The following DLGAP2 variants were observed in gnomAD, a reference collection of about 807,000 sequenced individuals.
DLGAP2 encodes disks large-associated protein 2.
A neutral mutation model predicts 100.3 loss-of-function variants in DLGAP2; 26 were observed. That is an observed-to-expected ratio of 0.26 (90% confidence interval 0.19 to 0.36). The LOEUF (loss-of-function observed/expected upper bound fraction) is 0.36. DLGAP2 is among the 10% of genes least tolerant of loss of function. The pLI is 1.00. For synonymous variants in DLGAP2, 886 were observed against 630.1 expected (o/e 1.41, Z -6.08); for missense variants, 1,858 against 1,453.2 (o/e 1.28, Z -4.53).
chr8:820,078 C>G (rs186998338), intron 1 of DLGAP2, among the ~76,000 whole-genome samples: 2 of 152,174 alleles, frequency 1.3e-5, no homozygotes, highest in African/African-American at 2.4e-5. Context: ...ATCTGTAGAA[C>G]AAACTGTTTT....
intron 1 of DLGAP2, among the ~76,000 whole-genome samples, chr8:885,103 T>C (rs900590445): frequency 3.9e-5 from 6 of 152,222 alleles, no homozygotes; most frequent in Admixed American, 3.3e-4. Flanking sequence ...TAGGATTGTC[T>C]TGGCTATATG....
At chr8:739,634 C>T (rs1256567654) in intron 1 of DLGAP2, 1 of 152,194 alleles carries the variant, frequency 6.6e-6, no homozygotes. Flanking sequence ...AGTTGTTACT[C>T]TGGGTTTAAA....
At chr8:1,434,066 T>C (rs764310231) in intron 3 of DLGAP2, among the ~76,000 whole-genome samples, 1 of 152,174 alleles carries the variant, frequency 6.6e-6, no homozygotes, top group Non-Finnish European at 1.5e-5. Flanking sequence ...GAAATGGCGC[T>C]GAATGAGGCT....
At chr8:948,106 T>A (rs1584914979) in intron 2 of DLGAP2, among the ~76,000 whole-genome samples, 1 of 147,440 alleles carries the variant, frequency 6.8e-6, no homozygotes, top group South Asian at 2.2e-4. Context: ...GCGCCATGGT[T>A]CCACTGACCC....
At chr8:758,180 G>A (rs1028956338) in intron 1 of DLGAP2, among the ~76,000 whole-genome samples, 8 of 152,226 alleles carry the variant, frequency 5.3e-5, no homozygotes, top group African/African-American at 1.9e-4. Context: ...GGACAGTGAA[G>A]CCAGGACTGA....
intron 2 of DLGAP2, among the ~76,000 whole-genome samples, chr8:974,101 T>C (rs1407754979): frequency 1.3e-5 from 2 of 152,126 alleles, no homozygotes; most frequent in Non-Finnish European, 2.9e-5. Flanking sequence ...AGAAGAAATA[T>C]TTGTAGTAAA....
chr8:965,141 T>TCAC, intron 2 of DLGAP2, among the ~76,000 whole-genome samples: 1 of 145,286 alleles, frequency 6.9e-6, no homozygotes, highest in African/African-American at 2.6e-5. Context: ...ACGGCGCTGT[T>TCAC]CACCTCACAG....
chr8:1,078,589 C>G (rs1421327522), intron 2 of DLGAP2, among the ~76,000 whole-genome samples: 1 of 152,096 alleles, frequency 6.6e-6, no homozygotes, highest in Non-Finnish European at 1.5e-5. Context: ...TAACCCCTAG[C>G]AAACACTGAT....
intron 3 of DLGAP2, among the ~76,000 whole-genome samples, chr8:1,409,153 G>A (rs1796657768): frequency 1.1e-5 from 1 of 88,984 alleles, no homozygotes; most frequent in South Asian, 3.4e-4. Flanking sequence ...TTGGACCACT[G>A]CCCAGTTCCT....
chr8:1,671,912 G>A (rs1247662791), intron 10 of DLGAP2, among the ~76,000 whole-genome samples: 1 of 152,266 alleles, frequency 6.6e-6, no homozygotes, highest in African/African-American at 2.4e-5. Flanking sequence ...GAGCTTGTGG[G>A]CATGGCTGAG....
chr8:1,617,386 CTGT>C (rs1584999280), intron 6 of DLGAP2, among the ~76,000 whole-genome samples: 1 of 152,196 alleles, frequency 6.6e-6, no homozygotes, highest in African/African-American at 2.4e-5. Flanking sequence ...CTCACAGCAT[CTGT>C]TGTTTGTCCA....
At chr8:883,310 G>T (rs1797849095) in intron 1 of DLGAP2, 1 of 152,226 alleles carries the variant, frequency 6.6e-6, no homozygotes, top group South Asian at 2.1e-4. Flanking sequence ...GTCACCTGAG[G>T]CACTGTATGG....
At chr8:1,236,416 C>A (rs796559964) in intron 2 of DLGAP2, among the ~76,000 whole-genome samples, 1 of 9,262 alleles carries the variant, frequency 1.1e-4, no homozygotes, top group African/African-American at 6.0e-4. Flanking sequence ...TCTCACATGG[C>A]GCCATGTCTA....
intron 1 of DLGAP2, among the ~76,000 whole-genome samples, chr8:766,361 TG>T (rs1821215792): frequency 6.6e-6 from 1 of 152,228 alleles, no homozygotes; most frequent in Non-Finnish European, 1.5e-5. Flanking sequence ...CCCTCGTGTG[TG>T]TTCAAGTCAC....
In DLGAP2 at chr8:1,012,081, G is replaced by T. The variant is rs1203135907; in HGVS notation, c.73+104115G>T. Among the ~76,000 whole-genome samples the T allele has an allele frequency of 2.0e-5, 3 of 152,190 alleles. No individual in the cohort carries two copies. The East Asian group carries it at 5.8e-4, about 29-fold the overall frequency. ...CAGGTCCTTCACATGCATGGCCCGT[G>T]TCGCAGGAAGACCAGACTCTGTTCC... On this transcript the variant is annotated intron_variant, in intron 2 of 14. Transcript: ENST00000637795.
At chr8:1,082,424 A>G (rs1041931092) in intron 2 of DLGAP2, among the ~76,000 whole-genome samples, 2 of 152,232 alleles carry the variant, frequency 1.3e-5, no homozygotes, top group Admixed American at 6.5e-5. Context: ...GGGGCAGCCA[A>G]CACGGGATAC....
intron 3 of DLGAP2, chr8:1,373,628 C>G (rs1312821115): frequency 6.6e-6 from 1 of 152,256 alleles, no homozygotes; most frequent in African/African-American, 2.4e-5. Context: ...ACCTCGCTTC[C>G]TCTCGCTGAA....
intron 4 of DLGAP2, among the ~76,000 whole-genome samples, chr8:1,512,157 A>T (rs1205885167): frequency 6.6e-6 from 1 of 152,202 alleles, no homozygotes; most frequent in East Asian, 1.9e-4. Context: ...CCCTGCTGGG[A>T]ACAGCTGGGT....
intron 4 of DLGAP2, among the ~76,000 whole-genome samples, chr8:1,523,548 G>A (rs1341275578): frequency 3.9e-5 from 6 of 152,230 alleles, no homozygotes; most frequent in Non-Finnish European, 5.9e-5. Context: ...GGCCGGCACC[G>A]CACAGTCCCT....
Sources: allele counts gnomAD v4.1 joint callset (sites outside exome capture counted in the v4.1 genomes callset), GRCh38; gene constraint gnomAD v4.1.1; transcripts MANE v1.5; gene names NCBI Gene and HGNC (gene_info 2026-07-23, HGNC 2026-07-21).